CDH11: variants seen among roughly 807,000 people sequenced by gnomAD.
CDH11 encodes cadherin-11.
A neutral mutation model predicts 67.8 loss-of-function variants in CDH11; 11 were observed. That is an observed-to-expected ratio of 0.16 (90% CI 0.10 to 0.27). The LOEUF (loss-of-function observed/expected upper bound fraction) is 0.27, where lower values mean the gene tolerates loss of function less well. Among genes scored for constraint, CDH11 ranks in the 10% least tolerant of loss-of-function variants. The pLI is 1.00. For synonymous variants in CDH11, 419 were observed against 400.0 expected, an observed-to-expected ratio of 1.05 and a Z score of -0.57; for missense variants, 847 against 1,031.2, an observed-to-expected ratio of 0.82 and a Z score of 2.45.
At chr16:65,087,832 G>A (rs532166596) in intron 1 of CDH11, among the ~76,000 whole-genome samples, 38 of 152,250 alleles carry the variant, frequency 2.5e-4, no homozygotes, top group Admixed American at 1.4e-3. Context: ...CAACATGGCC[G>A]TATAGCAGGA....
chr16:65,024,488 A>G (rs7192855), intron 2 of CDH11, among the ~76,000 whole-genome samples: 16,847 of 152,170 alleles, frequency 0.11, 1,160 homozygotes, highest in African/African-American at 0.19. Context: ...ACTGGTTTAG[A>G]GCTACACTAT....
At chr16:65,104,139 A>G (rs16968496) in intron 1 of CDH11, among the ~76,000 whole-genome samples, 32,067 of 152,126 alleles carry the variant, frequency 0.21, 3,713 homozygotes, top group Middle Eastern at 0.33. Context: ...GAGGTATGCA[A>G]ATATGATTCC....
At chr16:65,014,406 T>C (rs1446774581) in intron 2 of CDH11, among the ~76,000 whole-genome samples, 1 of 152,178 alleles carries the variant, frequency 6.6e-6, no homozygotes, top group African/African-American at 2.4e-5. Flanking sequence ...ATGGAATCAA[T>C]ATATACATTC....
chr16:64,963,663 A>G (rs2071732431), intron 11 of CDH11, among the ~76,000 whole-genome samples: 1 of 152,200 alleles, frequency 6.6e-6, no homozygotes, highest in Admixed American at 6.5e-5. Context: ...TCATATTCAA[A>G]CTACAGAAAA....
chr16:65,044,503 G>A (rs1419552888), intron 2 of CDH11, among the ~76,000 whole-genome samples: 3 of 152,090 alleles, frequency 2.0e-5, no homozygotes, highest in African/African-American at 7.2e-5. Flanking sequence ...CATGTACCCA[G>A]GACCCGTGGA....
intron 3 of CDH11, among the ~76,000 whole-genome samples, chr16:64,999,592 G>A (rs930945755): frequency 3.3e-5 from 5 of 152,020 alleles, no homozygotes; most frequent in African/African-American, 1.2e-4. Context: ...GGAGCGCAAT[G>A]GCATGATCTC....
intron 1 of CDH11, among the ~76,000 whole-genome samples, chr16:65,102,602 T>C (rs530285158): frequency 6.6e-6 from 1 of 152,366 alleles, no homozygotes; most frequent in African/African-American, 2.4e-5. Context: ...TTGCGATTTT[T>C]GTCCTTTGGA....
intron 2 of CDH11, among the ~76,000 whole-genome samples, chr16:65,044,471 G>A (rs1242330353): frequency 1.3e-5 from 2 of 151,656 alleles, no homozygotes; most frequent in African/African-American, 4.8e-5. Context: ...TTTTTTAATG[G>A]AAAAGGGGGC....
chr16:65,033,237 A>AACACACACACACACACACACACAC (rs57645922), intron 2 of CDH11, among the ~76,000 whole-genome samples: 2 of 139,518 alleles, frequency 1.4e-5, no homozygotes, highest in African/African-American at 5.3e-5. Flanking sequence ...AAACTAGGAA[A>AACACACACACACACACACACACAC]ACACACACAC....
intron 2 of CDH11, among the ~76,000 whole-genome samples, chr16:65,046,406 G>T (rs1044869249): frequency 2.0e-5 from 3 of 152,194 alleles, no homozygotes; most frequent in Non-Finnish European, 4.4e-5. Flanking sequence ...CCAAAGAGGG[G>T]CACCTCCAGC....
At position 64,946,914 on chromosome 16, in the gene CDH11, A is replaced by G. The variant is rs1777271601; in HGVS notation, c.*689T>C. Reference sequence around the variant, plus strand: ...TACATGTCAGAATACTGATATTTATACGTATACTAAAATAAGAACTTTAAA... The same window carrying G: ...TACATGTCAGAATACTGATATTTATGCGTATACTAAAATAAGAACTTTAAA... On this transcript the variant is annotated 3_prime_UTR_variant, in exon 13 of 13. Coordinates refer to ENST00000268603, the MANE Select transcript of CDH11 (RefSeq NM_001797.4). The G allele has an allele frequency of 2.5e-6, 2 of 802,248 alleles. No individual in the cohort carries two copies. The highest frequency in any genetic ancestry group is 3.1e-6 in the Non-Finnish European group (2 of 651,454). 49.7% of individuals were successfully genotyped at this position (802,248 alleles called of 1,614,324 possible). A position where few individuals can be genotyped will look rare whatever the true frequency, so the allele number is the denominator to read the frequency against.
chr16:65,114,558 G>A (rs752622469), intron 1 of CDH11, among the ~76,000 whole-genome samples: 12 of 152,072 alleles, frequency 7.9e-5, no homozygotes, highest in Middle Eastern at 3.2e-3. Flanking sequence ...CGAGTAGAGC[G>A]TCCGGCACAC....
Position 65,006,530 on chromosome 16 carries a change from G to A in CDH11, c.-172-1489C>T, listed in dbSNP as rs192138879. 4.6e-5 allele frequency among the ~76,000 whole-genome samples: 7 copies of A among 152,260 alleles called. No individual in the cohort carries two copies. The East Asian group carries it at 1.4e-3, about 29-fold the overall frequency. On this transcript the variant is annotated intron_variant, in intron 2 of 12. Transcript: ENST00000268603. Reference sequence around the variant, plus strand: ...CCAATCAATCACTCTGAACCTCCATGTTTTCATGTGAATAATGAGGATGAC... The same window carrying A: ...CCAATCAATCACTCTGAACCTCCATATTTTCATGTGAATAATGAGGATGAC...
chr16:64,945,427 A>T lies in CDH11; in HGVS notation c.*2176T>A. On this transcript the variant is annotated 3_prime_UTR_variant, in exon 13 of 13. Transcript: ENST00000268603. Reference sequence around the variant, plus strand: ...TAGTTGTCATCTCTAATCCAAATACATTCCTAGAGAAAAGGATCATCCATG... The same window carrying T: ...TAGTTGTCATCTCTAATCCAAATACTTTCCTAGAGAAAAGGATCATCCATG... The T allele has an allele frequency of 9.6e-7, 1 of 1,037,024 alleles. No individual in the cohort carries two copies. The highest frequency in any genetic ancestry group is 4.6e-5 in the South Asian group (1 of 21,710). The allele number at this position is 1,037,024 out of a possible 1,614,324, so 64.2% of individuals were successfully genotyped here.
Position 64,993,560 on chromosome 16 carries a change from T to A in CDH11, c.524-526A>T, listed in dbSNP as rs554955762. Among the ~76,000 whole-genome samples the A allele has an allele frequency of 1.4e-4, 21 of 152,290 alleles. 1 individual carries two copies. The Middle Eastern group carries it at 0.017, about 123-fold the overall frequency. On this transcript the variant is annotated intron_variant, in intron 4 of 12. Transcript: ENST00000268603. ...AATTTAATTAATTTATGGCCATAAA[T>A]ACTGAGCAGAATGCTGTTCCCTACT... is the stretch of plus-strand genomic sequence containing the variant.
chr16:64,946,077 C>T lies in CDH11; in HGVS notation c.*1526G>A, dbSNP rs552832333. The T allele has an allele frequency of 1.2e-5, 13 of 1,057,562 alleles. No homozygotes were observed. Among genetic ancestry groups the T allele is most frequent in the South Asian group, 9.1e-5 (2 of 21,914 alleles). The allele number at this position is 1,057,562 out of a possible 1,614,324, so 65.5% of individuals were successfully genotyped here. On this transcript the variant is annotated 3_prime_UTR_variant, in exon 13 of 13. Coordinates refer to ENST00000268603, the MANE Select transcript of CDH11 (RefSeq NM_001797.4). ...GACACACTCCTGGACCAAATGGCAT[C>T]GACTCTCAGAATCCAAAATGGTCCC...
At chr16:65,086,860 T>C (rs1003777216) in intron 1 of CDH11, among the ~76,000 whole-genome samples, 1 of 152,148 alleles carries the variant, frequency 6.6e-6, no homozygotes. Context: ...AAGGCCAGGG[T>C]ATGGTATAGA....
chr16:64,966,032 G>T (rs1189392215), intron 11 of CDH11, among the ~76,000 whole-genome samples: 2 of 152,036 alleles, frequency 1.3e-5, no homozygotes, highest in Non-Finnish European at 2.9e-5. Flanking sequence ...AGTGGCAGTG[G>T]TATGCTTAAA....
At chr16:64,953,773 T>A (rs773286777) in intron 11 of CDH11, among the ~76,000 whole-genome samples, 8 of 152,156 alleles carry the variant, frequency 5.3e-5, no homozygotes, top group Non-Finnish European at 1.0e-4. Context: ...TCTACTCCAT[T>A]TTAATGATCT....
Sources: gnomAD v4.1 joint callset for allele counts (sites outside exome capture counted in the v4.1 genomes callset) on GRCh38, gnomAD v4.1.1 for gene constraint, MANE v1.5 for transcripts, NCBI Gene and HGNC (gene_info 2026-07-23, HGNC 2026-07-21) for gene names.